LRRTM4: variants seen among roughly 807,000 people sequenced by gnomAD.
LRRTM4 encodes leucine rich repeat transmembrane neuronal 4.
LRRTM4 carries 25 observed loss-of-function variants against 47.6 expected under a neutral mutation model. The ratio of observed to expected loss-of-function variants is 0.53; its 90% CI spans 0.38 to 0.73. The LOEUF (loss-of-function observed/expected upper bound fraction) is 0.73, where lower values mean the gene tolerates loss of function less well. Ranked by LOEUF, LRRTM4 falls within the 30% of genes least tolerant of loss-of-function variation. LRRTM4 has a pLI of 0.00. For synonymous variants in LRRTM4, 311 were observed against 269.5 expected (o/e 1.15, Z -1.51); for missense variants, 638 against 713.4 (o/e 0.89, Z 1.20).
At chr2:77,369,884 T>A (rs1672599278) in intron 3 of LRRTM4, among the ~76,000 whole-genome samples, 1 of 151,758 alleles carries the variant, frequency 6.6e-6, no homozygotes, top group South Asian at 2.1e-4. Flanking sequence ...ATAGAAAAGG[T>A]ACAGTGAAAA....
intron 3 of LRRTM4, among the ~76,000 whole-genome samples, chr2:76,863,455 G>T (rs1158007209): frequency 6.6e-6 from 1 of 152,122 alleles, no homozygotes; most frequent in Non-Finnish European, 1.5e-5. Context: ...AGCTTAGGCT[G>T]GTGTATATGT....
chr2:76,937,443 T>C (rs1674994363), intron 3 of LRRTM4, among the ~76,000 whole-genome samples: 1 of 152,222 alleles, frequency 6.6e-6, no homozygotes, highest in South Asian at 2.1e-4. Context: ...TCACTTCTAA[T>C]CTTTGAAGAG....
chr2:77,407,686 TATA>T (rs988781920), intron 3 of LRRTM4, among the ~76,000 whole-genome samples: 8 of 132,976 alleles, frequency 6.0e-5, no homozygotes, highest in African/African-American at 2.4e-4. Flanking sequence ...TAATATTTAA[TATA>T]ATATATGATA....
At chr2:76,788,168 A>G (rs1674780263) in intron 3 of LRRTM4, among the ~76,000 whole-genome samples, 1 of 152,180 alleles carries the variant, frequency 6.6e-6, no homozygotes, top group Admixed American at 6.6e-5. Context: ...CCAAGTAAAT[A>G]AATAGTTCCA....
At chr2:77,010,605 G>C (rs1295469732) in intron 3 of LRRTM4, among the ~76,000 whole-genome samples, 1 of 150,834 alleles carries the variant, frequency 6.6e-6, no homozygotes, top group Non-Finnish European at 1.5e-5. Flanking sequence ...TGGCTATTGT[G>C]AACAATGCTG....
chr2:77,031,300 C>A (rs193146893), intron 3 of LRRTM4, among the ~76,000 whole-genome samples: 1 of 152,222 alleles, frequency 6.6e-6, no homozygotes, highest in East Asian at 1.9e-4. Flanking sequence ...AATGCTTTCA[C>A]AAATTTTAGA....
chr2:77,291,710 G>T (rs181384182), intron 3 of LRRTM4, among the ~76,000 whole-genome samples: 8 of 151,990 alleles, frequency 5.3e-5, no homozygotes, highest in Admixed American at 4.6e-4. Context: ...TTTTTATTTT[G>T]ATAGATCTTA....
intron 3 of LRRTM4, among the ~76,000 whole-genome samples, chr2:76,853,633 G>C (rs1672062271): frequency 6.6e-6 from 1 of 150,558 alleles, no homozygotes; most frequent in Admixed American, 6.6e-5. Context: ...TCTGTGGATA[G>C]AAAAAAAAAT....
intron 3 of LRRTM4, among the ~76,000 whole-genome samples, chr2:77,174,690 C>T (rs1673143706): frequency 6.6e-6 from 1 of 152,010 alleles, no homozygotes; most frequent in South Asian, 2.1e-4. Context: ...TACATGTGCA[C>T]AACGTGCAGG....
chr2:77,260,500 C>T (rs1675892343), intron 3 of LRRTM4, among the ~76,000 whole-genome samples: 1 of 151,358 alleles, frequency 6.6e-6, no homozygotes, highest in South Asian at 2.1e-4. Context: ...AGATACCAAA[C>T]CACTCCTTAC....
intron 3 of LRRTM4, among the ~76,000 whole-genome samples, chr2:76,845,077 G>A (rs1459762500): frequency 6.6e-6 from 1 of 152,072 alleles, no homozygotes; most frequent in Non-Finnish European, 1.5e-5. Context: ...CTGGAGAATG[G>A]GCGTTTTGTG....
In LRRTM4 at chr2:76,923,710, T is replaced by G. The variant is rs180761870; in HGVS notation, c.1552-174794A>C. ...TTAGTCAATCCCACTGTACTAGTAT[T>G]TTGCAAAACAATCTCAGATTTTGTT... On this transcript the variant is annotated intron_variant, in intron 3 of 3. Transcript: ENST00000409884. Among the ~76,000 whole-genome samples the G allele has an allele frequency of 2.5e-3, 382 of 152,208 alleles. 3 individuals are homozygous for G. Among genetic ancestry groups the G allele is most frequent in the African/African-American group, 8.6e-3 (359 of 41,570 alleles).
chr2:76,760,528 C>T (rs867739829), intron 3 of LRRTM4, among the ~76,000 whole-genome samples: 2 of 151,920 alleles, frequency 1.3e-5, no homozygotes, highest in South Asian at 2.1e-4. Context: ...ACAGACAGCA[C>T]GTCTGCTACT....
chr2:76,957,495 A>T (rs1015150359), intron 3 of LRRTM4, among the ~76,000 whole-genome samples: 3 of 151,806 alleles, frequency 2.0e-5, no homozygotes, highest in Admixed American at 6.6e-5. Context: ...AATCTTTCTA[A>T]AGTAACAGGA....
intron 3 of LRRTM4, among the ~76,000 whole-genome samples, chr2:77,482,981 C>T (rs1164649770): frequency 1.3e-5 from 2 of 151,316 alleles, no homozygotes; most frequent in East Asian, 2.0e-4. Context: ...ATTAGCCGGG[C>T]GTGGTGGCGG....
intron 3 of LRRTM4, among the ~76,000 whole-genome samples, chr2:77,275,116 T>C (rs1302256766): frequency 1.3e-5 from 2 of 152,158 alleles, no homozygotes; most frequent in African/African-American, 4.8e-5. Context: ...ATGGGCCATT[T>C]AAACTCATCC....
At chr2:77,091,922 G>C (rs1670654695) in intron 3 of LRRTM4, among the ~76,000 whole-genome samples, 1 of 142,806 alleles carries the variant, frequency 7.0e-6, no homozygotes, top group East Asian at 2.3e-4. Flanking sequence ...GGCATGGTTA[G>C]CGCGGTCAGA....
intron 3 of LRRTM4, among the ~76,000 whole-genome samples, chr2:77,119,185 T>C (rs1335509349): frequency 1.3e-5 from 2 of 151,908 alleles, no homozygotes; most frequent in Non-Finnish European, 2.9e-5. Context: ...GTGGTATACC[T>C]ACCACCCCCA....
chr2:76,828,543 G>A (rs1220714250), intron 3 of LRRTM4, among the ~76,000 whole-genome samples: 1 of 151,940 alleles, frequency 6.6e-6, no homozygotes, highest in Non-Finnish European at 1.5e-5. Context: ...GAAAGGATAA[G>A]AGAAATGTGT....
Sources: gnomAD v4.1 joint callset for allele counts (sites outside exome capture counted in the v4.1 genomes callset) on GRCh38, gnomAD v4.1.1 for gene constraint, MANE v1.5 for transcripts, NCBI Gene and HGNC (gene_info 2026-07-23, HGNC 2026-07-21) for gene names.